Variants in COG4 observed in about 807,000 individuals in gnomAD.
The protein encoded by COG4 is conserved oligomeric Golgi complex subunit 4.
A neutral mutation model predicts 95.1 loss-of-function variants in COG4; 65 were observed. That is an observed-to-expected ratio of 0.68 (90% CI 0.56 to 0.84). The LOEUF is 0.84. Among genes scored for constraint, COG4 ranks in the 40% least tolerant of loss-of-function variants. COG4 has a pLI of 0.00. For synonymous variants in COG4, 421 were observed against 374.8 expected, an observed-to-expected ratio of 1.12 and a Z score of -1.42; for missense variants, 1,045 against 989.1, an observed-to-expected ratio of 1.06 and a Z score of -0.76.
chr16:70,499,085 T>C (rs1177357777), intron 9 of COG4, among the ~76,000 whole-genome samples: 2 of 152,058 alleles, frequency 1.3e-5, no homozygotes, highest in Non-Finnish European at 2.9e-5. Flanking sequence ...AAAGAGAAAA[T>C]ATTCCGTATC....
intron 7 of COG4, 141 bp downstream of exon 7, chr16:70,509,090 A>T (rs1318869394): frequency 9.6e-7 from 1 of 1,042,554 alleles, no homozygotes; most frequent in East Asian, 2.4e-5. Context: ...AATGGGCAAG[A>T]TGCAGGCCAG....
At chr16:70,484,368 T>C (rs1382726432) in intron 13 of COG4, among the ~76,000 whole-genome samples, 4 of 152,232 alleles carry the variant, frequency 2.6e-5, no homozygotes, top group Non-Finnish European at 5.9e-5. Flanking sequence ...AAGCACAACG[T>C]GCCTAGCTCA....
At chr16:70,522,346 A>C (rs950107552) in intron 1 of COG4, among the ~76,000 whole-genome samples, 16 of 152,162 alleles carry the variant, frequency 1.1e-4, no homozygotes, top group Non-Finnish European at 2.1e-4. Flanking sequence ...AAAAAGCCCC[A>C]CACACTAAAC....
chr16:70,483,432 A>T (rs969764422), intron 14 of COG4, among the ~76,000 whole-genome samples: 1 of 151,400 alleles, frequency 6.6e-6, no homozygotes, highest in African/African-American at 2.4e-5. Context: ...GGAGCCAGGA[A>T]CATGCCCCTT....
chr16:70,482,704 G>C (rs2049023062), intron 15 of COG4, 25 bp downstream of exon 15: 3 of 1,600,998 alleles, frequency 1.9e-6, no homozygotes, highest in Non-Finnish European at 2.6e-6. Flanking sequence ...ATCGGGGCTT[G>C]ATGGCTGCCT....
chr16:70,514,250 G>T, intron 4 of COG4, 85 bp downstream of exon 4: 1 of 1,239,780 alleles, frequency 8.1e-7, no homozygotes. Flanking sequence ...CCTAAAAACT[G>T]ATGTGTTTTT....
chr16:70,491,917 G>T (rs935530110), intron 12 of COG4, among the ~76,000 whole-genome samples: 10 of 151,948 alleles, frequency 6.6e-5, no homozygotes, highest in Non-Finnish European at 1.3e-4. Context: ...GGATGTGCCA[G>T]GCACAGTTCT....
intron 1 of COG4, among the ~76,000 whole-genome samples, chr16:70,521,740 C>T (rs2049947240): frequency 2.1e-5 from 3 of 142,186 alleles, no homozygotes; most frequent in Admixed American, 7.3e-5. Flanking sequence ...CTCACTCTGT[C>T]GCCGAGGCTG....
intron 8 of COG4, among the ~76,000 whole-genome samples, chr16:70,506,023 G>T (rs984507220): frequency 1.3e-5 from 2 of 151,942 alleles, no homozygotes; most frequent in African/African-American, 2.4e-5. Context: ...GCTCATGCCT[G>T]TAATTCCAGC....
chr16:70,512,423 A>T lies in COG4; in HGVS notation c.554T>A (p.Ile185Asn). ...LSRQGKEGSM[I>N]DANLKLLQEA... ...CTGCAGCAATTTCAGGTTGGCATCA[A>T]TCATGCTCCCTGCTCAACAGGGAGA... The change falls in exon 5 of 19, where the codon ATT becomes AAT. Residue 185 changes from isoleucine (I) to asparagine (N), a missense_variant. Coordinates refer to ENST00000323786, the MANE Select transcript of COG4 (RefSeq NM_015386.3). 1.2e-6 allele frequency: 2 copies of T among 1,613,934 alleles called. No individual in the cohort carries two copies. Among genetic ancestry groups the T allele is most frequent in the Non-Finnish European group, 1.7e-6 (2 of 1,179,896 alleles).
intron 13 of COG4, among the ~76,000 whole-genome samples, chr16:70,489,005 A>G (rs1043794946): frequency 6.6e-6 from 1 of 152,230 alleles, no homozygotes; most frequent in Non-Finnish European, 1.5e-5. Flanking sequence ...CTGAGGTTAC[A>G]GAACTTTTGC....
chr16:70,516,872 T>A (rs771790489), intron 3 of COG4, among the ~76,000 whole-genome samples: 1 of 152,202 alleles, frequency 6.6e-6, no homozygotes, highest in Non-Finnish European at 1.5e-5. Context: ...TAAGCGATCC[T>A]CCTGCCTTAG....
intron 12 of COG4, among the ~76,000 whole-genome samples, chr16:70,494,501 G>C (rs1044909409): frequency 6.6e-6 from 1 of 152,128 alleles, no homozygotes; most frequent in Non-Finnish European, 1.5e-5. Flanking sequence ...ATTTAGCATC[G>C]CCTCTCTTTT....
chr16:70,482,537 A>G (rs2049019830), intron 15 of COG4, 192 bp downstream of exon 15: 1 of 654,424 alleles, frequency 1.5e-6, no homozygotes, highest in Non-Finnish European at 2.8e-6. Context: ...GGCAAACTCC[A>G]TGTCTTTCTG....
chr16:70,497,410 A>C (rs1356200897), intron 10 of COG4, 23 bp from the exon 11 acceptor site: 1 of 1,609,874 alleles, frequency 6.2e-7, no homozygotes, highest in Non-Finnish European at 8.5e-7. Flanking sequence ...CAAAGCCAAC[A>C]CTGAGGGTCC....
At position 70,496,257 on chromosome 16, in the gene COG4, G is replaced by T. The variant is rs778924738; in HGVS notation, c.1647+9C>A. Reference sequence around the variant, plus strand: ...AACCAACCCAGCTCGTGAGCTGTGGGGTACCTACCAGGAAGGACATCTTCG... The same window carrying T: ...AACCAACCCAGCTCGTGAGCTGTGGTGTACCTACCAGGAAGGACATCTTCG... On this transcript the variant is annotated intron_variant, in intron 12 of 18. Transcript: ENST00000323786. 6.2e-7 allele frequency: 1 copy of T among 1,614,086 alleles called. No individual in the cohort carries two copies. Among genetic ancestry groups the T allele is most frequent in the Non-Finnish European group, 8.5e-7 (1 of 1,179,992 alleles).
chr16:70,516,517 C>T (rs555332605), intron 3 of COG4, among the ~76,000 whole-genome samples: 8 of 152,158 alleles, frequency 5.3e-5, no homozygotes, highest in East Asian at 3.9e-4. Context: ...AGGATGGTCT[C>T]GATCTCCTGA....
At chr16:70,506,610 A>AAAAAAAAAAAAAAAG (rs2049576525) in intron 8 of COG4, among the ~76,000 whole-genome samples, 1 of 58,944 alleles carries the variant, frequency 1.7e-5, no homozygotes, top group African/African-American at 6.3e-5. Context: ...AAAAAAAAAA[A>AAAAAAAAAAAAAAAG]AAAAAAACAA....
At chr16:70,509,497 C>T (rs2049653743) in intron 6 of COG4, 109 bp from the exon 7 acceptor site, 2 of 1,271,684 alleles carry the variant, frequency 1.6e-6, no homozygotes, top group African/African-American at 3.0e-5. Flanking sequence ...TTGGCTGCTT[C>T]ACTTTCTAAA....
Sources: allele counts gnomAD v4.1 joint callset (sites outside exome capture counted in the v4.1 genomes callset), GRCh38; gene constraint gnomAD v4.1.1; transcripts MANE v1.5; gene names NCBI Gene and HGNC (gene_info 2026-07-23, HGNC 2026-07-21).